The following PSME4 variants were observed in gnomAD, a reference collection of about 807,000 sequenced individuals.
PSME4 encodes proteasome activator subunit 4.
In PSME4, 89 loss-of-function variants were observed where a neutral mutation model predicts 253.9. The observed-to-expected ratio is 0.35, with a 90% CI of 0.30 to 0.42. PSME4 has a LOEUF of 0.42. Ranked by LOEUF, PSME4 falls within the 10% of genes least tolerant of loss-of-function variation. The pLI, the probability that PSME4 is intolerant of heterozygous loss-of-function variation, is 1.00. For missense variants in PSME4, 2,014 were observed against 2,195.2 expected, an observed-to-expected ratio of 0.92 and a Z score of 1.65; for synonymous variants, 851 against 759.2, an observed-to-expected ratio of 1.12 and a Z score of -1.99.
At chr2:53,919,653 TAGTC>T (rs1321920597) in intron 19 of PSME4, among the ~76,000 whole-genome samples, 17 of 152,210 alleles carry the variant, frequency 1.1e-4, no homozygotes, top group African/African-American at 2.4e-4. Flanking sequence ...GAGTTGATGT[TAGTC>T]AGTCACACTT....
At chr2:53,920,518 C>T (rs988711993) in intron 18 of PSME4, among the ~76,000 whole-genome samples, 168 bp from the exon 19 acceptor site, 2 of 152,174 alleles carry the variant, frequency 1.3e-5, no homozygotes, top group Non-Finnish European at 2.9e-5. Flanking sequence ...CATCTTACTG[C>T]CTCTTCGTTA....
At chr2:53,920,808 T>G in intron 18 of PSME4, 81 bp downstream of exon 18, 1 of 1,180,060 alleles carries the variant, frequency 8.5e-7, no homozygotes, top group South Asian at 1.3e-5. Flanking sequence ...AACTAACATA[T>G]GCAAGAAAAA....
Position 53,936,842 on chromosome 2 carries a change from T to G in PSME4, c.696-15A>C. On this transcript the variant is annotated splice_polypyrimidine_tract_variant and intron_variant, in intron 5 of 46. Transcript: ENST00000404125. ...CAAACCAAAGTCTAAAGAAGAAAAATGTTGTTATGAATAGCAAGTGATTTT... is the reference window on the plus strand; with the variant it reads ...CAAACCAAAGTCTAAAGAAGAAAAAGGTTGTTATGAATAGCAAGTGATTTT... 1 of 1,567,230 alleles carries G rather than the reference T, an allele frequency of 6.4e-7. No individual in the cohort carries two copies. Among genetic ancestry groups the G allele is most frequent in the Non-Finnish European group, 8.7e-7 (1 of 1,153,366 alleles).
intron 37 of PSME4, among the ~76,000 whole-genome samples, chr2:53,889,155 G>A (rs1573221099): frequency 6.6e-6 from 1 of 152,130 alleles, no homozygotes; most frequent in Admixed American, 6.5e-5. Flanking sequence ...GAGAGCTAGT[G>A]CACCCAGCCA....
chr2:53,908,649 A>G (rs929414974), intron 22 of PSME4, 84 bp from the exon 23 acceptor site: 2 of 1,492,786 alleles, frequency 1.3e-6, no homozygotes, highest in Non-Finnish European at 1.8e-6. Flanking sequence ...AGAATCTATT[A>G]AGAAAAAAAA....
intron 1 of PSME4, among the ~76,000 whole-genome samples, chr2:53,964,525 A>C (rs1447286541): frequency 1.1e-4 from 17 of 151,954 alleles, no homozygotes. Context: ...CTCTTCTATC[A>C]CTCTCTCTAA....
At chr2:53,868,555 A>AATAT (rs539241532) in intron 44 of PSME4, among the ~76,000 whole-genome samples, 5 of 50,400 alleles carry the variant, frequency 9.9e-5, no homozygotes, top group African/African-American at 3.2e-4. Flanking sequence ...ATATATTTAT[A>AATAT]ATATATATAA....
intron 14 of PSME4, among the ~76,000 whole-genome samples, chr2:53,924,886 G>A (rs1247866314): frequency 6.6e-6 from 1 of 152,198 alleles, no homozygotes; most frequent in African/African-American, 2.4e-5. Context: ...ATGTTCCTGT[G>A]AACCTATGGT....
In PSME4 at chr2:53,938,546, G is replaced by C. The variant is rs72799271; in HGVS notation, c.546-1006C>G. Among the ~76,000 whole-genome samples the C allele has an allele frequency of 3.0e-3, 453 of 149,412 alleles. 2 individuals are homozygous for C. Among genetic ancestry groups the C allele is most frequent in the Non-Finnish European group, 5.5e-3 (370 of 67,694 alleles). ...GCTGGACCCAAACTCTTAAACTGAA[G>C]TGATCCTCCCACCTCAGCCTCCCAA... On this transcript the variant is annotated intron_variant, in intron 4 of 46. Transcript: ENST00000404125.
intron 33 of PSME4, 27 bp downstream of exon 33, chr2:53,895,556 T>C: frequency 6.3e-7 from 1 of 1,580,678 alleles, no homozygotes; most frequent in Non-Finnish European, 8.6e-7. Flanking sequence ...AGGCATTTAA[T>C]GATAAGGTGC....
At chr2:53,964,487 G>A (rs1008075262) in intron 1 of PSME4, among the ~76,000 whole-genome samples, 11 of 152,030 alleles carry the variant, frequency 7.2e-5, no homozygotes, top group African/African-American at 2.7e-4. Flanking sequence ...TTCCCATTTT[G>A]AATGATCACT....
At position 53,895,162 on chromosome 2, in the gene PSME4, ATGAACTCTAAC is replaced by A. The variant is rs1481398801; in HGVS notation, c.3843-97_3843-87del. On this transcript the variant is annotated intron_variant, in intron 33 of 46. Transcript: ENST00000404125. ...TAGAAAGCATTAGAAGGCACTTTTA[ATGAACTCTAAC>A]TAGATGCTAAGTTTGGGGAGATGAG... The A allele has an allele frequency of 6.8e-6, 8 of 1,179,538 alleles. No individual in the cohort carries two copies. The East Asian group carries it at 1.6e-4, about 24-fold the overall frequency. 73.1% of individuals were successfully genotyped at this position (1,179,538 alleles called of 1,614,324 possible).
At chr2:53,970,063 G>A (rs1292355935) in intron 1 of PSME4, among the ~76,000 whole-genome samples, 3 of 152,188 alleles carry the variant, frequency 2.0e-5, no homozygotes, top group Non-Finnish European at 4.4e-5. Context: ...CATTCAGAAA[G>A]TTACTAGACG....
rs1558658790 is a variant in PSME4, at chr2:53,893,774, A to C, written c.3938T>G (p.Phe1313Cys). 1.2e-6 allele frequency: 2 copies of C among 1,609,878 alleles called. No homozygotes were observed. Among genetic ancestry groups the C allele is most frequent in the Non-Finnish European group, 8.5e-7 (1 of 1,177,914 alleles). Residue 1313 changes from phenylalanine to cysteine, a missense_variant, in exon 35 of 47, where the codon TTT (phenylalanine) becomes TGT (cysteine). Coordinates refer to ENST00000404125, the MANE Select transcript of PSME4 (RefSeq NM_014614.3). ...TEAEQIIFDHFSDPKFVEQLI... is the reference protein window; with the variant it reads ...TEAEQIIFDHCSDPKFVEQLI... ...CTGCTCAACAAATTTAGGATCAGAA[A>C]AATGATCAAATATAATCTGTTCTGC...
At chr2:53,908,712 G>A in intron 22 of PSME4, 72 bp downstream of exon 22, 1 of 1,441,254 alleles carries the variant, frequency 6.9e-7, no homozygotes, top group Non-Finnish European at 9.5e-7. Context: ...GTAAACACAT[G>A]CATGTTATAG....
Position 53,921,870 on chromosome 2 carries a change from A to AAAAAAAAAAAAG in PSME4, c.2046+646_2046+647insCTTTTTTTTTTT, listed in dbSNP as rs1448419298. 2.2e-5 allele frequency among the ~76,000 whole-genome samples: 3 copies of AAAAAAAAAAAAG among 133,932 alleles called. No homozygotes were observed. In the Admixed American group the frequency reaches 2.3e-4, roughly 10 times the overall value. 87.9% of individuals were successfully genotyped at this position (133,932 alleles called of 152,430 possible). A position where few individuals can be genotyped will look rare whatever the true frequency, so the allele number is the denominator to read the frequency against. ...GCGACAGAGCGAGACTCCGTCTCAA[A>AAAAAAAAAAAAG]AAAAAGAAAACTGAAGTTTGGGCCA... On this transcript the variant is annotated intron_variant, in intron 17 of 46. Transcript: ENST00000404125.
At chr2:53,966,847 G>C (rs552300183) in intron 1 of PSME4, among the ~76,000 whole-genome samples, 21 of 152,188 alleles carry the variant, frequency 1.4e-4, no homozygotes, top group Non-Finnish European at 2.5e-4. Context: ...TTAAAGGCGT[G>C]CACCACCATG....
At chr2:53,886,610 A>C (rs977253764) in intron 40 of PSME4, among the ~76,000 whole-genome samples, 2 of 152,210 alleles carry the variant, frequency 1.3e-5, no homozygotes, top group African/African-American at 4.8e-5. Context: ...TGGAATGTAA[A>C]ATGGTGCAGC....
chr2:53,962,641 A>G (rs1670541481), intron 1 of PSME4, among the ~76,000 whole-genome samples: 1 of 152,196 alleles, frequency 6.6e-6, no homozygotes, highest in South Asian at 2.1e-4. Context: ...ATACATTCAG[A>G]ATTCCTATTT....
Sources: gnomAD v4.1 joint callset for allele counts (sites outside exome capture counted in the v4.1 genomes callset) on GRCh38, gnomAD v4.1.1 for gene constraint, MANE v1.5 for transcripts, NCBI Gene and HGNC (gene_info 2026-07-23, HGNC 2026-07-21) for gene names.